FGF12: variants seen among roughly 807,000 people sequenced by gnomAD.
The protein encoded by FGF12 is fibroblast growth factor 12B.
In FGF12, 14 loss-of-function variants were observed where a neutral mutation model predicts 23.6. The observed-to-expected ratio is 0.59, with a 90% CI of 0.39 to 0.93. The LOEUF (loss-of-function observed/expected upper bound fraction) is 0.93. FGF12 is among the 40% of genes least tolerant of loss of function. The pLI is 0.00. For missense variants in FGF12, 175 were observed against 217.8 expected, an observed-to-expected ratio of 0.80 and a Z score of 1.24; for synonymous variants, 62 against 77.3, an observed-to-expected ratio of 0.80 and a Z score of 1.04.
Position 192,409,751 on chromosome 3 carries a change from C to T in FGF12, c.14-49213G>A, listed in dbSNP as rs1419160166. Among the ~76,000 whole-genome samples the T allele has an allele frequency of 1.3e-5, 2 of 152,208 alleles. No individual in the cohort carries two copies. Among genetic ancestry groups the T allele is most frequent in the Admixed American group, 1.3e-4 (2 of 15,294 alleles). On this transcript the variant is annotated intron_variant, in intron 2 of 5. Transcript: ENST00000445105. This position sits in a 1 kb window ranked among gnomAD's most constrained non-coding sequence, Gnocchi z 4.8. Reference sequence around the variant, plus strand: ...GGCGGGGCCCCTAGGCCTCCTGGGGCTACCTCGCGAGGCAGCCGAGGGCGC... The same window carrying T: ...GGCGGGGCCCCTAGGCCTCCTGGGGTTACCTCGCGAGGCAGCCGAGGGCGC...
At chr3:192,216,024 A>G (rs1258751135) in intron 4 of FGF12, among the ~76,000 whole-genome samples, 1 of 152,174 alleles carries the variant, frequency 6.6e-6, no homozygotes, top group Non-Finnish European at 1.5e-5. Flanking sequence ...TATTATGTAC[A>G]AGGCACCTTG....
chr3:192,422,809 T>C lies in FGF12; in HGVS notation c.14-62271A>G, dbSNP rs60981589. Among the ~76,000 whole-genome samples, 34 of 152,290 alleles carry C rather than the reference T, an allele frequency of 2.2e-4. No homozygotes were observed. The East Asian group carries it at 4.8e-3, about 22-fold the overall frequency. On this transcript the variant is annotated intron_variant, in intron 2 of 5. Transcript: ENST00000445105. The stretch of plus-strand genomic sequence containing the variant: ...AAGTTTGGGTTCAGCCTCTTAGTAA[T>C]TGATGAATCACATTTCAGTTATGTG...
intron 2 of FGF12, among the ~76,000 whole-genome samples, chr3:192,501,888 T>C (rs1724143511): frequency 6.6e-6 from 1 of 152,190 alleles, no homozygotes; most frequent in Non-Finnish European, 1.5e-5. Context: ...GCTCATTGCT[T>C]GGCACATGAC....
chr3:192,285,535 A>G (rs1171233426), intron 4 of FGF12, among the ~76,000 whole-genome samples: 2 of 152,096 alleles, frequency 1.3e-5, no homozygotes, highest in East Asian at 3.9e-4. Flanking sequence ...GCATTTTTCT[A>G]AGAATCTCTC....
chr3:192,704,699 T>C (rs1329526293), intron 2 of FGF12, among the ~76,000 whole-genome samples: 1 of 152,250 alleles, frequency 6.6e-6, no homozygotes, highest in Non-Finnish European at 1.5e-5. Flanking sequence ...CATTGACTTC[T>C]TTCTCACTAT....
In FGF12 at chr3:192,360,599, T is replaced by C; in HGVS notation, c.14-61A>G. On this transcript the variant is annotated intron_variant, in intron 2 of 5. Transcript: ENST00000445105. The surrounding 1 kb of genome is among the most constrained non-coding windows in gnomAD (Gnocchi z 4.3). ...GCTTACACAAATGCACACTTACAGATTGTTAAAAACATCCTGTAAGTAAAT... is the reference window on the plus strand; with the variant it reads ...GCTTACACAAATGCACACTTACAGACTGTTAAAAACATCCTGTAAGTAAAT... 2 of 1,141,080 alleles carry C rather than the reference T, an allele frequency of 1.8e-6. No homozygotes were observed. Among genetic ancestry groups the C allele is most frequent in the Admixed American group, 3.4e-5 (2 of 58,206 alleles). The allele number at this position is 1,141,080 out of a possible 1,614,324, so 70.7% of individuals were successfully genotyped here. A position where few individuals can be genotyped will look rare whatever the true frequency, so the allele number is the denominator to read the frequency against.
intron 4 of FGF12, among the ~76,000 whole-genome samples, chr3:192,291,212 T>A (rs1361491514): frequency 6.6e-6 from 1 of 152,242 alleles, no homozygotes; most frequent in Middle Eastern, 3.2e-3. Flanking sequence ...TATATTTTTA[T>A]AAAACACTTT....
intron 2 of FGF12, among the ~76,000 whole-genome samples, chr3:192,694,018 TAATATCCAA>T (rs1718028195): frequency 6.6e-6 from 1 of 152,128 alleles, no homozygotes; most frequent in African/African-American, 2.4e-5. Flanking sequence ...GATAAGGAGT[TAATATCCAA>T]AATATAAGGA....
intron 4 of FGF12, among the ~76,000 whole-genome samples, chr3:192,247,101 G>T (rs952812855): frequency 7.6e-6 from 1 of 131,146 alleles, no homozygotes; most frequent in African/African-American, 2.8e-5. Context: ...AGGAAGGAAG[G>T]AATATCCTAA....
intron 4 of FGF12, among the ~76,000 whole-genome samples, chr3:192,278,431 T>C (rs910928104): frequency 2.0e-5 from 3 of 152,170 alleles, no homozygotes; most frequent in African/African-American, 4.8e-5. Context: ...AGAAGCACAG[T>C]ACACCAACGT....
intron 2 of FGF12, among the ~76,000 whole-genome samples, chr3:192,369,151 C>A (rs922140872): frequency 6.6e-6 from 1 of 152,222 alleles, no homozygotes; most frequent in African/African-American, 2.4e-5. Context: ...CAGCACCTAA[C>A]ACAGTGCCAG....
At chr3:192,437,703 C>A (rs1722070468) in intron 2 of FGF12, among the ~76,000 whole-genome samples, 1 of 147,760 alleles carries the variant, frequency 6.8e-6, no homozygotes. Flanking sequence ...AAAACAACAA[C>A]AACAAAACAA....
chr3:192,588,822 C>A (rs750093388), intron 2 of FGF12, among the ~76,000 whole-genome samples: 3 of 151,820 alleles, frequency 2.0e-5, no homozygotes, highest in Non-Finnish European at 4.4e-5. Flanking sequence ...TGGGATTTTT[C>A]TTTAGGTGAG....
chr3:192,686,666 A>G (rs1034276004), intron 2 of FGF12, among the ~76,000 whole-genome samples: 8 of 152,066 alleles, frequency 5.3e-5, no homozygotes, highest in African/African-American at 1.7e-4. Flanking sequence ...AAAAGACTAT[A>G]CTCAGCAAGG....
At chr3:192,529,538 G>C (rs1725035928) in intron 2 of FGF12, among the ~76,000 whole-genome samples, 1 of 152,140 alleles carries the variant, frequency 6.6e-6, no homozygotes, top group Non-Finnish European at 1.5e-5. Flanking sequence ...CCACATTTTA[G>C]GGTATCTTTT....
intron 2 of FGF12, among the ~76,000 whole-genome samples, chr3:192,716,921 T>C (rs767238428): frequency 1.3e-5 from 2 of 152,150 alleles, no homozygotes; most frequent in Non-Finnish European, 2.9e-5. Flanking sequence ...AGTTATTCAA[T>C]GTGAGGGTTA....
chr3:192,174,742 TAAA>T (rs796236664), intron 4 of FGF12, among the ~76,000 whole-genome samples: 6 of 132,726 alleles, frequency 4.5e-5, no homozygotes, highest in Non-Finnish European at 3.3e-5. Flanking sequence ...ACACGTGGAG[TAAA>T]AAAAAAAAAA....
intron 2 of FGF12, among the ~76,000 whole-genome samples, chr3:192,544,104 A>T (rs1397441688): frequency 6.6e-6 from 1 of 152,138 alleles, no homozygotes; most frequent in Admixed American, 6.5e-5. Flanking sequence ...TGCTCCCTCC[A>T]TTAGCTTTGG....
chr3:192,300,967 C>T (rs1273069736), intron 4 of FGF12, among the ~76,000 whole-genome samples: 1 of 152,102 alleles, frequency 6.6e-6, no homozygotes, highest in Non-Finnish European at 1.5e-5. Flanking sequence ...CCCCACTGCA[C>T]TCCAGCCTGG....
Sources: gnomAD v4.1 joint callset for allele counts (sites outside exome capture counted in the v4.1 genomes callset) on GRCh38, gnomAD v4.1.1 for gene constraint, Gnocchi (gnomAD v3.1) non-coding constraint, MANE v1.5 for transcripts, NCBI Gene and HGNC (gene_info 2026-07-23, HGNC 2026-07-21) for gene names.